Variants in POLH observed in about 807,000 individuals in gnomAD.
POLH encodes DNA polymerase eta transcript.
In POLH, 53 loss-of-function variants were observed where a neutral mutation model predicts 73.6. The observed-to-expected ratio is 0.72, with a 90% CI of 0.58 to 0.91. The LOEUF is 0.91. POLH is among the 40% of genes least tolerant of loss of function. The pLI is 0.00. For synonymous variants in POLH, 292 were observed against 308.5 expected, an observed-to-expected ratio of 0.95 and a Z score of 0.56; for missense variants, 768 against 865.4, an observed-to-expected ratio of 0.89 and a Z score of 1.41.
Position 43,597,875 on chromosome 6 carries a change from A to G in POLH, c.660+10A>G, listed in dbSNP as rs56056074. The stretch of plus-strand genomic sequence containing the variant: ...AATTTCACACAATAAGGTGAAGGCT[A>G]ATAGTAGATTTCAAAGAGAAACATT... On this transcript the variant is annotated intron_variant, in intron 5 of 10. Transcript: ENST00000372236. 3.7e-6 allele frequency: 6 copies of G among 1,603,176 alleles called. No individual in the cohort carries two copies. The highest frequency in any genetic ancestry group is 5.1e-6 in the Non-Finnish European group (6 of 1,170,096).
intron 5 of POLH, 48 bp downstream of exon 5, chr6:43,597,913 C>A: frequency 6.8e-7 from 1 of 1,480,838 alleles, no homozygotes; most frequent in Non-Finnish European, 9.4e-7. Flanking sequence ...TATCCTTAGT[C>A]AAATACAGTA....
chr6:43,578,335 C>T (rs778420562), intron 1 of POLH: 168 of 383,422 alleles, frequency 4.4e-4, no homozygotes, highest in Non-Finnish European at 6.7e-4. Flanking sequence ...TGCAGTGAGC[C>T]GAGACTGTGC....
chr6:43,585,969 A>G (rs981999765), intron 3 of POLH, among the ~76,000 whole-genome samples: 8 of 150,906 alleles, frequency 5.3e-5, no homozygotes, highest in Non-Finnish European at 1.2e-4. Context: ...TTTGAGGCCT[A>G]TCCTCTTCCT....
At position 43,616,274 on chromosome 6, in the gene POLH, C is replaced by T. The variant is rs1479691290; in HGVS notation, c.*1717C>T. Among the ~76,000 whole-genome samples, 3 of 137,838 alleles carry T rather than the reference C, an allele frequency of 2.2e-5. No homozygotes were observed. Among genetic ancestry groups the T allele is most frequent in the African/African-American group, 5.5e-5 (2 of 36,462 alleles). 90.4% of individuals were successfully genotyped at this position (137,838 alleles called of 152,430 possible). A position where few individuals can be genotyped will look rare whatever the true frequency, so the allele number is the denominator to read the frequency against. On this transcript the variant is annotated 3_prime_UTR_variant, in exon 11 of 11. Coordinates refer to ENST00000372236, the MANE Select transcript of POLH (RefSeq NM_006502.3). ...CAGCCTGGGTGACAGAGCGAGACTCCGTCTCAAAAAAAAAAAAAAAAGAAA... is the reference window on the plus strand; with the variant it reads ...CAGCCTGGGTGACAGAGCGAGACTCTGTCTCAAAAAAAAAAAAAAAAGAAA...
At position 43,610,581 on chromosome 6, in the gene POLH, G is replaced by T. The variant is rs1425474906; in HGVS notation, c.1102G>T (p.Val368Leu). 1 of 1,613,944 alleles carries T rather than the reference G, an allele frequency of 6.2e-7. No homozygotes were observed. Among genetic ancestry groups the T allele is most frequent in the African/African-American group, 1.3e-5 (1 of 74,906 alleles). ...DNDRVATQLV[V>L]SIRVQGDKRL... ...TGACAGGGTAGCCACCCAGCTGGTTGTGAGCATTCGTGTACAAGGAGACAA... is the reference window on the plus strand; with the variant it reads ...TGACAGGGTAGCCACCCAGCTGGTTTTGAGCATTCGTGTACAAGGAGACAA... The change falls in exon 10 of 11, where the codon GTG (valine) becomes TTG (leucine). Residue 368 changes from valine (V) to leucine (L), a missense_variant. Val to Leu is a conservative substitution (Grantham distance 32). Transcript: ENST00000372236.
At chr6:43,582,511 G>T (rs1201266179) in intron 2 of POLH, 55 bp downstream of exon 2, 2 of 1,565,938 alleles carry the variant, frequency 1.3e-6, no homozygotes, top group South Asian at 1.1e-5. Context: ...TGGCACTGTG[G>T]CAGGTCCTTT....
intron 5 of POLH, among the ~76,000 whole-genome samples, chr6:43,598,463 C>CTTG (rs1766350063): frequency 2.0e-5 from 3 of 150,398 alleles, no homozygotes; most frequent in Admixed American, 1.3e-4. Flanking sequence ...ACCATCTCTA[C>CTTG]TAAAAATACA....
At chr6:43,608,932 T>G in intron 9 of POLH, among the ~76,000 whole-genome samples, 1 of 152,216 alleles carries the variant, frequency 6.6e-6, no homozygotes, top group East Asian at 1.9e-4. Context: ...TATCTTCCCC[T>G]CACTTATTCT....
rs188805638 is a variant in POLH, at chr6:43,601,558, G to A, written c.764+467G>A. On this transcript the variant is annotated intron_variant, in intron 6 of 10. Transcript: ENST00000372236. Reference sequence around the variant, plus strand: ...TGGGATTACAGGCGTGAGCCACTGCGTCCAGCCACGCTGAGACTTTTATTG... The same window carrying A: ...TGGGATTACAGGCGTGAGCCACTGCATCCAGCCACGCTGAGACTTTTATTG... Among the ~76,000 whole-genome samples, 7 of 151,768 alleles carry A rather than the reference G, an allele frequency of 4.6e-5. No homozygotes were observed. In the East Asian group the frequency reaches 5.9e-4, roughly 13 times the overall value.
rs1284516725 is a variant in POLH, at chr6:43,587,437, C to T, written c.438C>T (p.Tyr146=). ...CGGCAGACTTGTTGCCAAGCACTTA[C>T]ATTGAAGGGTTGCCCCAAGGCCCTA... The part of the protein sequence containing the change: ...PISADLLPST[Y]IEGLPQGPTT... Residue 146 remains tyrosine (Y), a synonymous_variant, in exon 4 of 11, where the codon TAC becomes TAT. Transcript: ENST00000372236. 2 of 1,614,086 alleles carry T rather than the reference C, an allele frequency of 1.2e-6. No homozygotes were observed. Among genetic ancestry groups the T allele is most frequent in the Non-Finnish European group, 1.7e-6 (2 of 1,180,030 alleles).
intron 9 of POLH, among the ~76,000 whole-genome samples, chr6:43,606,707 G>A (rs1582312836): frequency 6.6e-6 from 1 of 152,086 alleles, no homozygotes; most frequent in Non-Finnish European, 1.5e-5. Flanking sequence ...GGGATTACAG[G>A]CATGAGCCAC....
At chr6:43,592,572 C>T (rs1036714079) in intron 4 of POLH, among the ~76,000 whole-genome samples, 7 of 151,970 alleles carry the variant, frequency 4.6e-5, no homozygotes, top group African/African-American at 1.2e-4. Flanking sequence ...CCACCACGCC[C>T]GGCTAATTTT....
chr6:43,596,584 A>T (rs1196887864), intron 4 of POLH, among the ~76,000 whole-genome samples: 1 of 152,234 alleles, frequency 6.6e-6, no homozygotes, highest in East Asian at 1.9e-4. Flanking sequence ...AAATGGCTGC[A>T]TAATGAGGAA....
chr6:43,613,654 G>T lies in POLH; in HGVS notation c.1245-6G>T. The T allele has an allele frequency of 6.2e-7, 1 of 1,610,776 alleles. No homozygotes were observed. Among genetic ancestry groups the T allele is most frequent in the Non-Finnish European group, 8.5e-7 (1 of 1,177,262 alleles). Reference sequence around the variant, plus strand: ...TAATCATCTTATTTCTTTACTTTCTGTATAGGTCTCCTCCTCTCACAATGC... The same window carrying T: ...TAATCATCTTATTTCTTTACTTTCTTTATAGGTCTCCTCCTCTCACAATGC... On this transcript the variant is annotated splice_polypyrimidine_tract_variant and splice_region_variant and intron_variant, in intron 10 of 10. Coordinates refer to ENST00000372236, the MANE Select transcript of POLH (RefSeq NM_006502.3).
intron 4 of POLH, among the ~76,000 whole-genome samples, 197 bp from the exon 5 acceptor site, chr6:43,597,499 T>A (rs1766214953): frequency 6.6e-6 from 1 of 152,240 alleles, no homozygotes; most frequent in African/African-American, 2.4e-5. Context: ...AAATTCAGCC[T>A]ATGCTGAAGC....
chr6:43,576,424 A>G lies in POLH; in HGVS notation c.-21A>G, dbSNP rs1192710851. On this transcript the variant is annotated 5_prime_UTR_variant, in exon 1 of 11. Coordinates refer to ENST00000372236, the MANE Select transcript of POLH (RefSeq NM_006502.3). ...GGCAACCGCTGCTGGCAGTTTTGCCAGGTGTTTGTTACCTTGGTAAGAAAA... is the reference window on the plus strand; with the variant it reads ...GGCAACCGCTGCTGGCAGTTTTGCCGGGTGTTTGTTACCTTGGTAAGAAAA... 6.6e-6 allele frequency: 1 copy of G among 152,248 alleles called. No homozygotes were observed. The highest frequency in any genetic ancestry group is 6.5e-5 in the Admixed American group (1 of 15,284). 9.4% of individuals were successfully genotyped at this position (152,248 alleles called of 1,614,324 possible).
chr6:43,577,948 G>T lies in POLH; in HGVS notation c.-5+1508G>T, dbSNP rs1331807471. 5.9e-5 allele frequency among the ~76,000 whole-genome samples: 9 copies of T among 152,130 alleles called. No homozygotes were observed. The South Asian group carries it at 1.9e-3, about 32-fold the overall frequency. Reference sequence around the variant, plus strand: ...AAATACAAAAAATTAGCCGGGCGGGGTGGCACGCGCCTGTAGTCCCAGCTA... The same window carrying T: ...AAATACAAAAAATTAGCCGGGCGGGTTGGCACGCGCCTGTAGTCCCAGCTA... On this transcript the variant is annotated intron_variant, in intron 1 of 10. Transcript: ENST00000372236.
chr6:43,581,486 C>CG (rs1341101211), intron 1 of POLH, among the ~76,000 whole-genome samples: 1 of 146,314 alleles, frequency 6.8e-6, no homozygotes. Context: ...ACTTCCCAGA[C>CG]GGGGTGGCGG....
chr6:43,613,188 A>C (rs1768080527), intron 10 of POLH, among the ~76,000 whole-genome samples: 2 of 152,206 alleles, frequency 1.3e-5, no homozygotes, highest in Non-Finnish European at 2.9e-5. Flanking sequence ...CCAGAGTGGT[A>C]AGTCAGTCAG....
Sources: allele counts gnomAD v4.1 joint callset (sites outside exome capture counted in the v4.1 genomes callset), GRCh38; gene constraint gnomAD v4.1.1; transcripts MANE v1.5; gene names NCBI Gene and HGNC (gene_info 2026-07-23, HGNC 2026-07-21).